RSRC1: variants seen among roughly 807,000 people sequenced by gnomAD.
The protein encoded by RSRC1 is serine/Arginine-related protein 53.
In RSRC1, 39 loss-of-function variants were observed where a neutral mutation model predicts 49.1. The ratio of observed to expected loss-of-function variants is 0.79; its 90% CI spans 0.61 to 1.04. The LOEUF is 1.04. Ranked by LOEUF, RSRC1 falls within the 50% of genes least tolerant of loss-of-function variation. The pLI is 0.00. For missense variants in RSRC1, 388 were observed against 402.4 expected (o/e 0.96, Z 0.31); for synonymous variants, 143 against 130.8 (o/e 1.09, Z -0.63).
At chr3:158,327,817 A>G (rs1729259891) in intron 5 of RSRC1, among the ~76,000 whole-genome samples, 1 of 152,102 alleles carries the variant, frequency 6.6e-6, no homozygotes, top group Non-Finnish European at 1.5e-5. Context: ...GATCTGTCTA[A>G]TGTTGACAGT....
intron 8 of RSRC1, among the ~76,000 whole-genome samples, 153 bp downstream of exon 8, chr3:158,537,351 G>A (rs1337161506): frequency 3.3e-5 from 5 of 151,298 alleles, no homozygotes; most frequent in Non-Finnish European, 5.9e-5. Flanking sequence ...AACAAATCAG[G>A]GAGACTCAGT....
chr3:158,170,768 G>A (rs1718836300), intron 3 of RSRC1, among the ~76,000 whole-genome samples: 1 of 152,012 alleles, frequency 6.6e-6, no homozygotes, highest in Non-Finnish European at 1.5e-5. Context: ...GAGTGTTTAG[G>A]GGCAATTATT....
chr3:158,345,337 A>G (rs1730492299), intron 5 of RSRC1, among the ~76,000 whole-genome samples: 1 of 152,216 alleles, frequency 6.6e-6, no homozygotes, highest in South Asian at 2.1e-4. Flanking sequence ...TATAAAGCAC[A>G]GTTTTTCAGA....
At chr3:158,451,428 A>G (rs1472519754) in intron 6 of RSRC1, among the ~76,000 whole-genome samples, 1 of 152,016 alleles carries the variant, frequency 6.6e-6, no homozygotes, top group African/African-American at 2.4e-5. Flanking sequence ...AATGAATTTG[A>G]CATAGTTATA....
intron 6 of RSRC1, among the ~76,000 whole-genome samples, chr3:158,381,929 C>T (rs1299221522): frequency 2.0e-5 from 3 of 152,076 alleles, no homozygotes; most frequent in Non-Finnish European, 4.4e-5. Context: ...ACACTAAATT[C>T]ATTTAAATTT....
chr3:158,184,570 A>T (rs879280270), intron 3 of RSRC1, among the ~76,000 whole-genome samples: 2 of 152,166 alleles, frequency 1.3e-5, no homozygotes, highest in Non-Finnish European at 2.9e-5. Context: ...ACAATTTAGA[A>T]CTTGTTCACA....
At chr3:158,423,314 C>A (rs548467664) in intron 6 of RSRC1, among the ~76,000 whole-genome samples, 11 of 152,188 alleles carry the variant, frequency 7.2e-5, no homozygotes, top group African/African-American at 1.2e-4. Context: ...GTTTTCCCAG[C>A]ACCATTTATT....
rs190020220 is a variant in RSRC1, at chr3:158,450,813, A to G, written c.584-10122A>G. Among the ~76,000 whole-genome samples the G allele has an allele frequency of 7.3e-5, 11 of 150,346 alleles. No homozygotes were observed. The East Asian group carries it at 2.1e-3, about 29-fold the overall frequency. The stretch of plus-strand genomic sequence containing the variant: ...CCGTGGCCTATTATGCTTTTTTAAC[A>G]TTATATATTTTATGTTAATTATATT... On this transcript the variant is annotated intron_variant, in intron 6 of 9. Coordinates refer to ENST00000611884, the MANE Select transcript of RSRC1 (RefSeq NM_001271838.2).
chr3:158,483,667 G>A (rs1221255778), intron 7 of RSRC1, among the ~76,000 whole-genome samples: 1 of 152,000 alleles, frequency 6.6e-6, no homozygotes, highest in African/African-American at 2.4e-5. Flanking sequence ...GGTATTTATA[G>A]AGCAAGGAAA....
At chr3:158,197,071 G>T (rs1295712670) in intron 3 of RSRC1, among the ~76,000 whole-genome samples, 8 of 152,258 alleles carry the variant, frequency 5.3e-5, no homozygotes, top group African/African-American at 1.9e-4. Context: ...GTTTCAGAAG[G>T]AATGGTATCA....
chr3:158,380,722 TA>T (rs1005543305), intron 6 of RSRC1, among the ~76,000 whole-genome samples: 17 of 152,084 alleles, frequency 1.1e-4, no homozygotes, highest in African/African-American at 4.1e-4. Flanking sequence ...TCTGATGACT[TA>T]AAAAAAATTA....
At chr3:158,518,137 TATATATATA>T in intron 7 of RSRC1, among the ~76,000 whole-genome samples, 1 of 113,814 alleles carries the variant, frequency 8.8e-6, no homozygotes, top group Non-Finnish European at 1.7e-5. Context: ...TATATATATA[TATATATATA>T]TATTTTTTTT....
intron 3 of RSRC1, among the ~76,000 whole-genome samples, chr3:158,192,344 A>G (rs1213413410): frequency 6.6e-6 from 1 of 152,118 alleles, no homozygotes; most frequent in Non-Finnish European, 1.5e-5. Flanking sequence ...CAGAATTTTC[A>G]AGAGATGAAT....
At chr3:158,257,665 C>T (rs1185948626) in intron 4 of RSRC1, among the ~76,000 whole-genome samples, 3 of 152,048 alleles carry the variant, frequency 2.0e-5, no homozygotes, top group Admixed American at 6.6e-5. Flanking sequence ...TAGATACTTA[C>T]TCTGGCCATT....
chr3:158,246,455 AC>A, intron 4 of RSRC1, among the ~76,000 whole-genome samples: 1 of 151,962 alleles, frequency 6.6e-6, no homozygotes, highest in African/African-American at 2.4e-5. Flanking sequence ...CATGATGCTA[AC>A]TGGTTTTTTT....
chr3:158,408,154 C>G (rs972793043), intron 6 of RSRC1, among the ~76,000 whole-genome samples: 10 of 152,296 alleles, frequency 6.6e-5, no homozygotes, highest in African/African-American at 1.9e-4. Context: ...TTTCCCCATA[C>G]TGAGATTGGC....
At chr3:158,174,644 C>G (rs991000685) in intron 3 of RSRC1, among the ~76,000 whole-genome samples, 2 of 151,920 alleles carry the variant, frequency 1.3e-5, no homozygotes, top group African/African-American at 4.8e-5. Context: ...TCCTTTATGT[C>G]TGGCTTATTT....
intron 3 of RSRC1, among the ~76,000 whole-genome samples, chr3:158,145,308 A>G (rs1717015443): frequency 6.6e-6 from 1 of 152,168 alleles, no homozygotes; most frequent in Admixed American, 6.5e-5. Context: ...TAATTTTTGT[A>G]TAAGGTGTAA....
chr3:158,464,616 T>G (rs1324053990), intron 7 of RSRC1, among the ~76,000 whole-genome samples: 1 of 152,168 alleles, frequency 6.6e-6, no homozygotes, highest in Non-Finnish European at 1.5e-5. Context: ...CAGAGCTGAT[T>G]GACAAGAAGT....
Sources: gnomAD v4.1 joint callset for allele counts (sites outside exome capture counted in the v4.1 genomes callset) on GRCh38, gnomAD v4.1.1 for gene constraint, MANE v1.5 for transcripts, NCBI Gene and HGNC (gene_info 2026-07-23, HGNC 2026-07-21) for gene names.